Variants in XRN1 observed in about 807,000 individuals in gnomAD.
XRN1 encodes the protein strand-exchange protein 1 homolog.
In XRN1, 67 loss-of-function variants were observed where a neutral mutation model predicts 222.3. That is an observed-to-expected ratio of 0.30 (90% CI 0.25 to 0.37). The LOEUF is 0.37. Among genes scored for constraint, XRN1 ranks in the 10% least tolerant of loss-of-function variants. The pLI is 1.00. For synonymous variants in XRN1, 643 were observed against 652.4 expected, an observed-to-expected ratio of 0.99 and a Z score of 0.22; for missense variants, 1,707 against 2,000.2, an observed-to-expected ratio of 0.85 and a Z score of 2.80.
intron 27 of XRN1, among the ~76,000 whole-genome samples, chr3:142,368,395 C>A (rs146907210): frequency 2.0e-5 from 3 of 152,040 alleles, no homozygotes; most frequent in Non-Finnish European, 4.4e-5. Context: ...GTGATCCACC[C>A]GCCTTGGCCT....
chr3:142,412,449 A>G lies in XRN1; in HGVS notation c.1713+95T>C, dbSNP rs2068621334. ...GGTAGCTAAATCTCATTAACAAAAC[A>G]TAAATGGTGATTAAAACCCATTGCT... is the stretch of plus-strand genomic sequence containing the variant. On this transcript the variant is annotated intron_variant, in intron 15 of 40. Coordinates refer to ENST00000392981, the MANE Select transcript of XRN1 (RefSeq NM_001282857.2). 18 of 1,376,190 alleles carry G rather than the reference A, an allele frequency of 1.3e-5. No individual in the cohort carries two copies. In the East Asian group the frequency reaches 1.5e-4, roughly 12 times the overall value. The allele number at this position is 1,376,190 out of a possible 1,614,324, so 85.2% of individuals were successfully genotyped here. A position where few individuals can be genotyped will look rare whatever the true frequency, so the allele number is the denominator to read the frequency against.
At chr3:142,377,174 G>C (rs2067169262) in intron 23 of XRN1, among the ~76,000 whole-genome samples, 1 of 150,056 alleles carries the variant, frequency 6.7e-6, no homozygotes, top group Admixed American at 6.6e-5. Flanking sequence ...TCAATGAAAT[G>C]TAACCTTAAT....
intron 15 of XRN1, among the ~76,000 whole-genome samples, chr3:142,412,144 C>T (rs189703886): frequency 1.6e-3 from 239 of 152,176 alleles, no homozygotes; most frequent in African/African-American, 4.6e-3. Context: ...AATTTTTGTC[C>T]TCTTGTGTTA....
intron 33 of XRN1, 61 bp from the exon 34 acceptor site, chr3:142,335,570 C>T (rs1311206329): frequency 7.1e-7 from 1 of 1,411,952 alleles, no homozygotes; most frequent in Non-Finnish European, 9.9e-7. Flanking sequence ...ATTAAAACTA[C>T]CAAATATTTA....
chr3:142,381,926 A>T (rs1342646269), intron 22 of XRN1, among the ~76,000 whole-genome samples: 2 of 152,060 alleles, frequency 1.3e-5, no homozygotes, highest in East Asian at 3.9e-4. Context: ...CCTTTTAAAA[A>T]CAAAACAAAA....
rs185728264 is a variant in XRN1 at position 142,361,848 on chromosome 3, C to T, written c.3395-1917G>A. Reference sequence around the variant, plus strand: ...AGCATTTTGTTGGATTTATGTTTTGCTAATATTTGCCTTTTCATTTCTGTA... The same window carrying T: ...AGCATTTTGTTGGATTTATGTTTTGTTAATATTTGCCTTTTCATTTCTGTA... On this transcript the variant is annotated intron_variant, in intron 29 of 40. Coordinates refer to ENST00000392981, the MANE Select transcript of XRN1 (RefSeq NM_001282857.2). Among the ~76,000 whole-genome samples, 655 of 137,384 alleles carry T rather than the reference C, an allele frequency of 4.8e-3. 5 individuals are homozygous for T. The highest frequency in any genetic ancestry group is 6.2e-3 in the Non-Finnish European group (397 of 63,952). 90.1% of individuals were successfully genotyped at this position (137,384 alleles called of 152,430 possible). A position where few individuals can be genotyped will look rare whatever the true frequency, so the allele number is the denominator to read the frequency against.
chr3:142,364,580 C>T (rs533661986), intron 29 of XRN1, among the ~76,000 whole-genome samples: 38 of 152,100 alleles, frequency 2.5e-4, no homozygotes, highest in Admixed American at 1.1e-3. Context: ...AATTAATATA[C>T]ACATTTAATT....
chr3:142,383,087 C>G (rs1056686178), intron 22 of XRN1, among the ~76,000 whole-genome samples: 1 of 152,104 alleles, frequency 6.6e-6, no homozygotes, highest in Non-Finnish European at 1.5e-5. Context: ...ACCTCTTGAT[C>G]CTAATCTGCT....
At chr3:142,354,449 C>T (rs185916091) in intron 32 of XRN1, among the ~76,000 whole-genome samples, 22 of 152,268 alleles carry the variant, frequency 1.4e-4, no homozygotes, top group Non-Finnish European at 2.8e-4. Context: ...GAAAATAAAC[C>T]GTTCTTCCAA....
chr3:142,401,499 A>C (rs2068129126), intron 18 of XRN1, among the ~76,000 whole-genome samples: 1 of 152,022 alleles, frequency 6.6e-6, no homozygotes, highest in East Asian at 1.9e-4. Context: ...TGGATCACGA[A>C]GTCAGAAGTT....
intron 39 of XRN1, among the ~76,000 whole-genome samples, 155 bp downstream of exon 39, chr3:142,318,437 T>C (rs938088705): frequency 6.6e-6 from 1 of 152,234 alleles, no homozygotes; most frequent in Non-Finnish European, 1.5e-5. Context: ...AGGAAGAGAA[T>C]GGTACTTTTA....
intron 19 of XRN1, among the ~76,000 whole-genome samples, chr3:142,399,598 A>C (rs2068051851): frequency 6.6e-6 from 1 of 152,082 alleles, no homozygotes; most frequent in Non-Finnish European, 1.5e-5. Context: ...CTTCATCAGA[A>C]AGGTAGGGGA....
chr3:142,356,862 T>G (rs780196542), intron 31 of XRN1, 50 bp downstream of exon 31: 10 of 1,549,146 alleles, frequency 6.5e-6, no homozygotes, highest in Non-Finnish European at 8.9e-6. Flanking sequence ...CTGCTGTGAT[T>G]TGTGATTTGT....
chr3:142,329,723 G>A, intron 36 of XRN1, 108 bp from the exon 37 acceptor site: 2 of 1,074,964 alleles, frequency 1.9e-6, no homozygotes, highest in Non-Finnish European at 2.5e-6. Flanking sequence ...GCTAAAAAGT[G>A]AAGTGAATTG....
chr3:142,426,710 A>G (rs2069266670), intron 3 of XRN1, 34 bp downstream of exon 3: 8 of 1,568,204 alleles, frequency 5.1e-6, no homozygotes, highest in Non-Finnish European at 7.0e-6. Context: ...TTTATATTTC[A>G]ATTCTGTCAT....
At chr3:142,371,174 C>A in intron 26 of XRN1, 65 bp downstream of exon 26, 1 of 1,253,202 alleles carries the variant, frequency 8.0e-7, no homozygotes, top group Non-Finnish European at 1.1e-6. Flanking sequence ...GAGAAACCAG[C>A]TGCAGTTGTC....
intron 37 of XRN1, among the ~76,000 whole-genome samples, chr3:142,326,056 G>A (rs2065505400): frequency 6.6e-6 from 1 of 151,590 alleles, no homozygotes; most frequent in South Asian, 2.1e-4. Context: ...ATGTTGTTTT[G>A]GTTATGTAAC....
chr3:142,393,361 T>G (rs1371609976), intron 20 of XRN1, among the ~76,000 whole-genome samples: 1 of 145,016 alleles, frequency 6.9e-6, no homozygotes, highest in Non-Finnish European at 1.5e-5. Flanking sequence ...TGTCTTTTGT[T>G]GCCATTGCTT....
chr3:142,362,190 T>G (rs534452380), intron 29 of XRN1, among the ~76,000 whole-genome samples: 36 of 152,186 alleles, frequency 2.4e-4, no homozygotes, highest in African/African-American at 8.2e-4. Flanking sequence ...CAGGCTAAAG[T>G]GCAGTGGCAT....
Sources: allele counts gnomAD v4.1 joint callset (sites outside exome capture counted in the v4.1 genomes callset), GRCh38; gene constraint gnomAD v4.1.1; transcripts MANE v1.5; gene names NCBI Gene and HGNC (gene_info 2026-07-23, HGNC 2026-07-21).